The following ROBO1 variants were observed in gnomAD, a reference collection of about 807,000 sequenced individuals.
The protein encoded by ROBO1 is roundabout guidance receptor 1.
In ROBO1, 149 loss-of-function variants were observed where a neutral mutation model predicts 195.9. The ratio of observed to expected loss-of-function variants is 0.76; its 90% CI spans 0.67 to 0.87. The LOEUF (loss-of-function observed/expected upper bound fraction) is 0.87, where lower values mean the gene tolerates loss of function less well. ROBO1 is among the 40% of genes least tolerant of loss of function. The pLI is 0.00. For missense variants in ROBO1, 1,933 were observed against 2,068.3 expected (o/e 0.93, Z 1.27); for synonymous variants, 816 against 733.2 (o/e 1.11, Z -1.82).
At chr3:79,117,211 A>G (rs1429038858) in intron 3 of ROBO1, among the ~76,000 whole-genome samples, 3 of 149,610 alleles carry the variant, frequency 2.0e-5, no homozygotes, top group Non-Finnish European at 3.0e-5. Context: ...CTACTAAAAT[A>G]AAAAAAAAAT....
At chr3:79,397,344 T>C (rs932093269) in intron 2 of ROBO1, among the ~76,000 whole-genome samples, 2 of 152,060 alleles carry the variant, frequency 1.3e-5, no homozygotes, top group East Asian at 1.9e-4. Context: ...GACACATTGC[T>C]TAACTGTCTT....
intron 2 of ROBO1, among the ~76,000 whole-genome samples, chr3:79,540,788 C>A (rs1056801707): frequency 3.3e-5 from 5 of 152,058 alleles, no homozygotes; most frequent in African/African-American, 1.2e-4. Flanking sequence ...TTTGTGTGCA[C>A]CTCTATGCTC....
chr3:78,808,509 G>A (rs564959741), intron 4 of ROBO1, among the ~76,000 whole-genome samples: 13 of 152,196 alleles, frequency 8.5e-5, no homozygotes, highest in African/African-American at 2.9e-4. Context: ...TGCCTGAAAT[G>A]TGGATTTTAA....
intron 2 of ROBO1, among the ~76,000 whole-genome samples, chr3:79,239,755 A>C (rs1327915660): frequency 6.6e-6 from 1 of 152,152 alleles, no homozygotes; most frequent in Non-Finnish European, 1.5e-5. Flanking sequence ...TGATCTTTTC[A>C]CGTTCCCAAA....
At chr3:78,871,318 A>C (rs908074790) in intron 4 of ROBO1, among the ~76,000 whole-genome samples, 9 of 152,154 alleles carry the variant, frequency 5.9e-5, no homozygotes, top group Admixed American at 4.6e-4. Flanking sequence ...TTTTCATGTG[A>C]GTCAGTTTCA....
chr3:78,967,763 C>T (rs1677459392), intron 3 of ROBO1, among the ~76,000 whole-genome samples: 1 of 151,902 alleles, frequency 6.6e-6, no homozygotes, highest in African/African-American at 2.4e-5. Flanking sequence ...AATATTTCAA[C>T]ATTATATACA....
chr3:79,001,483 T>A (rs2077503816), intron 3 of ROBO1, among the ~76,000 whole-genome samples: 1 of 152,074 alleles, frequency 6.6e-6, no homozygotes, highest in South Asian at 2.1e-4. Flanking sequence ...ACTTTGTGTG[T>A]AGTGACCATA....
At chr3:79,713,686 G>T (rs980221659) in intron 1 of ROBO1, among the ~76,000 whole-genome samples, 1 of 152,090 alleles carries the variant, frequency 6.6e-6, no homozygotes, top group Non-Finnish European at 1.5e-5. Context: ...TGTCCTGAAT[G>T]GTATTGCCTA....
At position 79,636,639 on chromosome 3, in the gene ROBO1, G is replaced by A. The variant is rs140547519; in HGVS notation, c.-50-46678C>T. On this transcript the variant is annotated intron_variant, in intron 1 of 30. Transcript: ENST00000464233. ...ATTGAGAGAACAAGGCTCCCCTCACGTGCACTTTTTATCCCAACCCTGTAA... is the reference window on the plus strand; with the variant it reads ...ATTGAGAGAACAAGGCTCCCCTCACATGCACTTTTTATCCCAACCCTGTAA... Among the ~76,000 whole-genome samples, 392 of 152,148 alleles carry A rather than the reference G, an allele frequency of 2.6e-3. 3 individuals carry two copies. The highest frequency in any genetic ancestry group is 4.5e-3 in the Non-Finnish European group (309 of 68,002).
chr3:78,673,586 A>C, intron 10 of ROBO1, among the ~76,000 whole-genome samples: 1 of 71,200 alleles, frequency 1.4e-5, no homozygotes, highest in South Asian at 6.2e-4. Context: ...ATATATATAT[A>C]TATATATATA....
intron 2 of ROBO1, among the ~76,000 whole-genome samples, chr3:79,516,283 G>C (rs1940940557): frequency 6.6e-6 from 1 of 152,000 alleles, no homozygotes; most frequent in Admixed American, 6.6e-5. Flanking sequence ...CCTTCCACTA[G>C]ATCAAATGCT....
At position 78,659,720 on chromosome 3, in the gene ROBO1, T is replaced by C. The variant is rs1165167561; in HGVS notation, c.2408A>G (p.Glu803Gly). The change falls in exon 17 of 31, where the codon GAA becomes GGA. Residue 803 changes from glutamate to glycine, a missense_variant. Glu to Gly is a moderately conservative substitution (Grantham distance 98). Around this residue, in one of 3 missense-constraint regions of ROBO1, gnomAD observed 1,737 missense variants for 1,882.5 expected, o/e 0.92. Coordinates refer to ENST00000464233, the MANE Select transcript of ROBO1 (RefSeq NM_002941.4). The part of the protein sequence containing the change: ...AILVSWQPPP[E>G]DTQNGMVQEY... ...TTGGACCATTCCATTTTGAGTGTCT[T>C]CTGGAGGTGGCTGCCAACTAACTAG... 3 of 1,565,558 alleles carry C rather than the reference T, an allele frequency of 1.9e-6. No individual in the cohort carries two copies. The highest frequency in any genetic ancestry group is 2.6e-6 in the Non-Finnish European group (3 of 1,153,362).
intron 2 of ROBO1, among the ~76,000 whole-genome samples, chr3:79,283,796 C>A (rs1480810879): frequency 6.6e-6 from 1 of 150,896 alleles, no homozygotes; most frequent in Non-Finnish European, 1.5e-5. Flanking sequence ...CTCCCGGGTT[C>A]ACGCCATTCT....
In ROBO1 at chr3:78,622,238, T is replaced by C. The variant is rs370116303; in HGVS notation, c.3876-4197A>G. Among the ~76,000 whole-genome samples the C allele has an allele frequency of 2.1e-4, 32 of 152,280 alleles. No individual in the cohort carries two copies. The East Asian group carries it at 6.2e-3, about 29-fold the overall frequency. ...GTTCATTATAATACCAAAATTGAAATATTCATAATAATGCAGGTCTTTAAT... is the reference window on the plus strand; with the variant it reads ...GTTCATTATAATACCAAAATTGAAACATTCATAATAATGCAGGTCTTTAAT... On this transcript the variant is annotated intron_variant, in intron 26 of 30. Transcript: ENST00000464233.
intron 2 of ROBO1, among the ~76,000 whole-genome samples, chr3:79,381,367 AAAAAAAAAAAGAAAAGAAAAG>A (rs1559859436): frequency 9.2e-6 from 1 of 108,678 alleles, no homozygotes; most frequent in Non-Finnish European, 1.8e-5. Context: ...AAAAAAAAAA[AAAAAAAAAAAGAAAAGAAAAG>A]AAAAGAAAAG....
chr3:79,109,511 G>T lies in ROBO1; in HGVS notation c.172+15945C>A, dbSNP rs191513135. Among the ~76,000 whole-genome samples the T allele has an allele frequency of 3.3e-5, 5 of 151,868 alleles. No homozygotes were observed. The East Asian group carries it at 9.7e-4, about 29-fold the overall frequency. On this transcript the variant is annotated intron_variant, in intron 3 of 30. Transcript: ENST00000464233. ...ATATTGCTATAGCTGTTTCCTCATT[G>T]CTTTCTACTTCTGCTTTCTCAAAGA...
At chr3:79,489,343 T>C (rs1045496016) in intron 2 of ROBO1, among the ~76,000 whole-genome samples, 7 of 152,050 alleles carry the variant, frequency 4.6e-5, no homozygotes, top group Non-Finnish European at 1.0e-4. Flanking sequence ...TCATAAACAG[T>C]CACTTAATGT....
At chr3:79,138,988 C>A (rs2080469276) in intron 2 of ROBO1, among the ~76,000 whole-genome samples, 1 of 151,548 alleles carries the variant, frequency 6.6e-6, no homozygotes, top group South Asian at 2.1e-4. Context: ...AAAAGTGTTA[C>A]AATTCTCAAA....
chr3:79,234,568 A>G (rs1404551857), intron 2 of ROBO1, among the ~76,000 whole-genome samples: 1 of 152,128 alleles, frequency 6.6e-6, no homozygotes, highest in Non-Finnish European at 1.5e-5. Context: ...CATGGAGTCA[A>G]CCTAGGTGCC....
Sources: gnomAD v4.1 joint callset for allele counts (sites outside exome capture counted in the v4.1 genomes callset) on GRCh38, gnomAD v4.1.1 for gene constraint, gnomAD v4.1.1 regional missense constraint, MANE v1.5 for transcripts, NCBI Gene and HGNC (gene_info 2026-07-23, HGNC 2026-07-21) for gene names.